The following NEK9 variants were observed in gnomAD, a reference collection of about 807,000 sequenced individuals.
The protein encoded by NEK9 is NIMA related kinase 9, also known as serine/threonine-protein kinase Nek9.
In NEK9, 75 loss-of-function variants were observed where a neutral mutation model predicts 123.4. That is an observed-to-expected ratio of 0.61 (90% CI 0.50 to 0.74). The LOEUF is 0.74. Among genes scored for constraint, NEK9 ranks in the 30% least tolerant of loss-of-function variants. The pLI is 0.00. For synonymous variants in NEK9, 438 were observed against 458.7 expected (o/e 0.95, Z 0.58); for missense variants, 952 against 1,214.4 (o/e 0.78, Z 3.21).
At chr14:75,103,428 T>C (rs1488405611) in intron 14 of NEK9, among the ~76,000 whole-genome samples, 1 of 152,208 alleles carries the variant, frequency 6.6e-6, no homozygotes, top group Non-Finnish European at 1.5e-5. Context: ...AATTTCATCA[T>C]TTTATTCTTT....
Position 75,117,315 on chromosome 14 carries a change from G to T in NEK9, c.642C>A (p.Thr214=), listed in dbSNP as rs145818914. The part of the protein sequence containing the change: ...EYSMAETLVG[T]PYYMSPELCQ... ...AGAGCTCTGGAGACATGTAATATGGGGTTCCCACAAGCTGAGCAACAAAGA... is the reference window on the plus strand; with the variant it reads ...AGAGCTCTGGAGACATGTAATATGGTGTTCCCACAAGCTGAGCAACAAAGA... The change falls in exon 6 of 22, where the codon ACC becomes ACA. Residue 214 remains threonine, a synonymous_variant. Transcript: ENST00000238616. 1 of 1,606,680 alleles carries T rather than the reference G, an allele frequency of 6.2e-7. No homozygotes were observed. Among genetic ancestry groups the T allele is most frequent in the African/African-American group, 1.3e-5 (1 of 74,368 alleles).
In NEK9 at chr14:75,102,642, G is replaced by A. The variant is rs1343057348; in HGVS notation, c.1732-877C>T. On this transcript the variant is annotated intron_variant, in intron 14 of 21. Coordinates refer to ENST00000238616, the MANE Select transcript of NEK9 (RefSeq NM_033116.6). ...TCCGGGATTACAGGCGTGAGCCACC[G>A]TGCCCGGCAACTGAATATTTCTTTT... Among the ~76,000 whole-genome samples, 5 of 151,950 alleles carry A rather than the reference G, an allele frequency of 3.3e-5. No individual in the cohort carries two copies. The South Asian group carries it at 6.2e-4, about 19-fold the overall frequency.
chr14:75,089,986 C>T (rs1310680945), intron 19 of NEK9, among the ~76,000 whole-genome samples: 1 of 152,030 alleles, frequency 6.6e-6, no homozygotes, highest in African/African-American at 2.4e-5. Flanking sequence ...CGTGAGCCAC[C>T]TTGCCCGGCT....
intron 1 of NEK9, among the ~76,000 whole-genome samples, chr14:75,124,773 AT>A (rs1895462612): frequency 7.7e-6 from 1 of 129,290 alleles, no homozygotes; most frequent in African/African-American, 2.8e-5. Flanking sequence ...GATGTCTACT[AT>A]CTTTTTTTTT....
intron 8 of NEK9, among the ~76,000 whole-genome samples, chr14:75,112,056 A>C (rs539719901): frequency 2.0e-5 from 3 of 152,222 alleles, no homozygotes; most frequent in Non-Finnish European, 4.4e-5. Context: ...AGTACTGTAC[A>C]TAATTTCAGG....
intron 1 of NEK9, 116 bp downstream of exon 1, chr14:75,126,587 A>C: frequency 1.5e-6 from 1 of 685,972 alleles, no homozygotes. Flanking sequence ...TAAGACATAT[A>C]CCCCGTGGGC....
At chr14:75,085,507 GA>G (rs1893993178) in intron 21 of NEK9, among the ~76,000 whole-genome samples, 1 of 152,098 alleles carries the variant, frequency 6.6e-6, no homozygotes, top group Non-Finnish European at 1.5e-5. Flanking sequence ...CATGGCTCTC[GA>G]AAAATAATGC....
At chr14:75,088,846 CAAAG>C (rs1336906577) in intron 19 of NEK9, among the ~76,000 whole-genome samples, 2 of 152,262 alleles carry the variant, frequency 1.3e-5, no homozygotes, top group Non-Finnish European at 2.9e-5. Flanking sequence ...AAGGCAAACT[CAAAG>C]AACACAGGCT....
At chr14:75,117,932 CAT>C (rs374309860) in intron 5 of NEK9, among the ~76,000 whole-genome samples, 65 of 152,312 alleles carry the variant, frequency 4.3e-4, no homozygotes, top group African/African-American at 1.4e-3. Context: ...TAATAAAATT[CAT>C]AGTCAGCTTT....
Position 75,101,145 on chromosome 14 carries a change from G to C in NEK9, c.1849C>G (p.Arg617Gly). ...THTAAIDERG[R>G]LLTFGCNKCG... The stretch of plus-strand genomic sequence containing the variant: ...TTGTTGCAGCCAAAGGTCAGCAGCC[G>C]GCCTCGCTCTGAGAGAGAAGCAAAA... The change falls in exon 16 of 22, where the codon CGG becomes GGG. Residue 617 changes from arginine to glycine, a missense_variant. This residue lies in a region of NEK9 where 698 missense variants were observed against 875.6 expected (regional missense o/e 0.80). Transcript: ENST00000238616. 1.2e-6 allele frequency: 2 copies of C among 1,613,890 alleles called. No individual in the cohort carries two copies. Among genetic ancestry groups the C allele is most frequent in the South Asian group, 1.1e-5 (1 of 91,052 alleles).
Position 75,080,867 on chromosome 14 carries a change from C to G in NEK9, c.*3697G>C, listed in dbSNP as rs1893850540. The G allele has an allele frequency of 6.6e-6, 1 of 151,816 alleles. No individual in the cohort carries two copies. Among genetic ancestry groups the G allele is most frequent in the African/African-American group, 2.4e-5 (1 of 41,276 alleles). 9.4% of individuals were successfully genotyped at this position (151,816 alleles called of 1,614,324 possible). On this transcript the variant is annotated 3_prime_UTR_variant, in exon 22 of 22. Transcript: ENST00000238616. ...GTGTTAGCCAGGATGGTCTTGAACT[C>G]CTGACCTGCCCACCTCGGCCTCCCA...
At chr14:75,108,514 CGTGTGTGTGTGT>C (rs35358755) in intron 10 of NEK9, among the ~76,000 whole-genome samples, 3 of 147,916 alleles carry the variant, frequency 2.0e-5, no homozygotes, top group East Asian at 2.0e-4. Context: ...TGTGCGTGTG[CGTGTGTGTGTGT>C]GTGTGTGTGT....
chr14:75,099,804 G>A (rs1393688233), intron 16 of NEK9, among the ~76,000 whole-genome samples: 2 of 144,280 alleles, frequency 1.4e-5, no homozygotes, highest in African/African-American at 5.1e-5. Context: ...AAAAAGAAGA[G>A]GAGTGAGGAA....
chr14:75,087,284 T>C (rs1469492378), intron 20 of NEK9, 54 bp from the exon 21 acceptor site: 1 of 1,408,148 alleles, frequency 7.1e-7, no homozygotes, highest in African/African-American at 1.4e-5. Context: ...TCATAGCTCC[T>C]CAATCCAAAC....
At chr14:75,113,260 T>C (rs1412705033) in intron 8 of NEK9, 79 bp downstream of exon 8, 5 of 1,100,500 alleles carry the variant, frequency 4.5e-6, no homozygotes, top group Non-Finnish European at 6.8e-6. Context: ...AACACTACTC[T>C]TTCTTTTAGT....
Position 75,106,541 on chromosome 14 carries a change from G to C in NEK9, c.1489C>G (p.Arg497Gly), listed in dbSNP as rs757011098. Residue 497 changes from arginine (R) to glycine (G), a missense_variant, in exon 12 of 22, where the codon CGA becomes GGA. Physicochemically the swap from Arg to Gly is moderately radical, Grantham distance 125. Transcript: ENST00000238616. Reference protein sequence around the residue: ...CGDNHVVVLTRNKEVYSWGCG... With the variant: ...CGDNHVVVLTGNKEVYSWGCG... ...CCCCAAGAATAGACTTCCTTGTTTC[G>C]TGTCAGAACCACCACATGATTATCT... 1 of 1,613,904 alleles carries C rather than the reference G, an allele frequency of 6.2e-7. No homozygotes were observed. Among genetic ancestry groups the C allele is most frequent in the Non-Finnish European group, 8.5e-7 (1 of 1,179,996 alleles).
intron 2 of NEK9, among the ~76,000 whole-genome samples, 198 bp downstream of exon 2, chr14:75,123,848 G>A (rs544073524): frequency 1.7e-4 from 26 of 152,260 alleles, no homozygotes; most frequent in Non-Finnish European, 3.5e-4. Flanking sequence ...GAAAATTTGG[G>A]TATGCAGGGG....
At chr14:75,084,750 T>C in intron 21 of NEK9, 64 bp from the exon 22 acceptor site, 1 of 1,602,150 alleles carries the variant, frequency 6.2e-7, no homozygotes. Context: ...AGTAGTTCAG[T>C]ACTATATTTT....
intron 12 of NEK9, 60 bp from the exon 13 acceptor site, chr14:75,106,056 T>C (rs1209604343): frequency 3.5e-6 from 5 of 1,445,962 alleles, no homozygotes. Context: ...AGTGAATAGG[T>C]TCTGTAAGAT....
Sources: gnomAD v4.1 joint callset for allele counts (sites outside exome capture counted in the v4.1 genomes callset) on GRCh38, gnomAD v4.1.1 for gene constraint, gnomAD v4.1.1 regional missense constraint, MANE v1.5 for transcripts, NCBI Gene and HGNC (gene_info 2026-07-23, HGNC 2026-07-21) for gene names.